Variants in SIK2 observed in about 807,000 individuals in gnomAD.
SIK2 encodes salt inducible kinase 2.
In SIK2, 29 loss-of-function variants were observed where a neutral mutation model predicts 103.2. That is an observed-to-expected ratio of 0.28 (90% CI 0.21 to 0.38). SIK2 has a LOEUF of 0.38. Ranked by LOEUF, SIK2 falls within the 10% of genes least tolerant of loss-of-function variation. SIK2 has a pLI of 1.00. For missense variants in SIK2, 879 were observed against 1,171.0 expected (o/e 0.75, Z 3.64); for synonymous variants, 412 against 446.1 (o/e 0.92, Z 0.96).
intron 14 of SIK2, 143 bp from the exon 15 acceptor site, chr11:111,723,353 T>G (rs564601): frequency 3.6e-6 from 3 of 833,086 alleles, no homozygotes; most frequent in Non-Finnish European, 5.5e-6. Context: ...CCCAACACAA[T>G]TGGTTCCCAT....
At chr11:111,721,693 C>T in intron 12 of SIK2, 137 bp from the exon 13 acceptor site, 3 of 586,244 alleles carry the variant, frequency 5.1e-6, no homozygotes, top group Non-Finnish European at 5.9e-6. Flanking sequence ...CCTACTGGCT[C>T]TGTAAAAGCT....
chr11:111,712,282 C>G lies in SIK2; in HGVS notation c.1173C>G (p.Pro391=), dbSNP rs55848984. 8.7e-6 allele frequency: 14 copies of G among 1,614,124 alleles called. No homozygotes were observed. Among genetic ancestry groups the G allele is most frequent in the South Asian group, 2.2e-5 (2 of 91,088 alleles). ...GGCTGCTGCGATCTGCCCTCCTCCCCCAGGCATCCAACGTGGAGGCCTTTT... is the reference window on the plus strand; with the variant it reads ...GGCTGCTGCGATCTGCCCTCCTCCCGCAGGCATCCAACGTGGAGGCCTTTT... ...NMRLLRSALL[P]QASNVEAFSF... is the part of the protein sequence containing the mutation. Residue 391 remains proline (P), a synonymous_variant, in exon 9 of 15, where the codon CCC becomes CCG. Coordinates refer to ENST00000304987, the MANE Select transcript of SIK2 (RefSeq NM_015191.3).
At chr11:111,617,636 C>A (rs978153027) in intron 2 of SIK2, among the ~76,000 whole-genome samples, 4 of 152,132 alleles carry the variant, frequency 2.6e-5, no homozygotes, top group Non-Finnish European at 4.4e-5. Flanking sequence ...GGTTTACTGG[C>A]ACACCAGTAT....
rs1019080653 is a variant in SIK2, at chr11:111,648,268, A to G, written c.316+27866A>G. ...AATGCCTTAGTTCTCTTGAGCTGCT[A>G]TAACAAAATACCTTAAACTGGGTAA... On this transcript the variant is annotated intron_variant, in intron 3 of 14. Transcript: ENST00000304987. Among the ~76,000 whole-genome samples, 9 of 143,290 alleles carry G rather than the reference A, an allele frequency of 6.3e-5. No homozygotes were observed. The East Asian group carries it at 9.7e-4, about 15-fold the overall frequency. The allele number at this position is 143,290 out of a possible 152,430, so 94.0% of individuals were successfully genotyped here.
At chr11:111,606,467 C>CT (rs1941649273) in intron 1 of SIK2, among the ~76,000 whole-genome samples, 1 of 151,756 alleles carries the variant, frequency 6.6e-6, no homozygotes, top group African/African-American at 2.4e-5. Flanking sequence ...AAATTATGTT[C>CT]TTTTTTCTAC....
intron 3 of SIK2, among the ~76,000 whole-genome samples, chr11:111,646,980 G>A (rs1591599989): frequency 6.6e-6 from 1 of 152,102 alleles, no homozygotes; most frequent in East Asian, 1.9e-4. Flanking sequence ...TTGAATACTT[G>A]GGAATAAAAT....
chr11:111,635,681 CAAGCAT>C, intron 3 of SIK2, among the ~76,000 whole-genome samples: 1 of 152,212 alleles, frequency 6.6e-6, no homozygotes, highest in East Asian at 1.9e-4. Context: ...TTTGGAAATA[CAAGCAT>C]AAGAAGCCTT....
intron 3 of SIK2, among the ~76,000 whole-genome samples, chr11:111,626,374 CTT>C (rs1217039936): frequency 8.4e-5 from 12 of 142,920 alleles, no homozygotes; most frequent in African/African-American, 7.6e-5. Flanking sequence ...AACTCATGAT[CTT>C]TTTTTTTTTT....
At chr11:111,674,278 CTT>C (rs768331015) in intron 3 of SIK2, among the ~76,000 whole-genome samples, 5 of 152,092 alleles carry the variant, frequency 3.3e-5, no homozygotes, top group Non-Finnish European at 5.9e-5. Flanking sequence ...CCCTCTGTCT[CTT>C]TTATCTCCCT....
chr11:111,697,984 C>G (rs993806452), intron 4 of SIK2, among the ~76,000 whole-genome samples: 5 of 152,142 alleles, frequency 3.3e-5, no homozygotes, highest in African/African-American at 9.7e-5. Flanking sequence ...GCCCTCCAGC[C>G]TGGGCAACAG....
chr11:111,619,327 C>T (rs1452449581), intron 2 of SIK2, among the ~76,000 whole-genome samples: 2 of 152,096 alleles, frequency 1.3e-5, no homozygotes, highest in Non-Finnish European at 2.9e-5. Context: ...TACAGATAAA[C>T]ACTCTAAAAA....
Position 111,727,344 on chromosome 11 carries a change from A to G in SIK2, c.*3215A>G. 1 of 463,892 alleles carries G rather than the reference A, an allele frequency of 2.2e-6. No individual in the cohort carries two copies. Among genetic ancestry groups the G allele is most frequent in the Admixed American group, 3.4e-5 (1 of 29,348 alleles). 28.7% of individuals were successfully genotyped at this position (463,892 alleles called of 1,614,324 possible). On this transcript the variant is annotated 3_prime_UTR_variant, in exon 15 of 15. Coordinates refer to ENST00000304987, the MANE Select transcript of SIK2 (RefSeq NM_015191.3). ...TCCACTTTTGCCTCCTAGGAAAGAAAAAGTCAGTGGCCCTTTCTTCCTCAG... is the reference window on the plus strand; with the variant it reads ...TCCACTTTTGCCTCCTAGGAAAGAAGAAGTCAGTGGCCCTTTCTTCCTCAG...
chr11:111,701,737 G>A lies in SIK2; in HGVS notation c.727+162G>A, dbSNP rs1943217207. 1.3e-5 allele frequency among the ~76,000 whole-genome samples: 2 copies of A among 152,252 alleles called. No individual in the cohort carries two copies. The highest frequency in any genetic ancestry group is 2.1e-4 in the South Asian group (1 of 4,822). On this transcript the variant is annotated intron_variant, in intron 6 of 14. Coordinates refer to ENST00000304987, the MANE Select transcript of SIK2 (RefSeq NM_015191.3). The surrounding 1 kb of genome is among the most constrained non-coding windows in gnomAD (Gnocchi z 4.2). ...AAGAAGCAACCTCCTTTATGTAGGC[G>A]AGACAGGTTCCAGCCTTCTACTTGT...
chr11:111,715,223 T>C (rs1943605651), intron 9 of SIK2, among the ~76,000 whole-genome samples: 1 of 152,238 alleles, frequency 6.6e-6, no homozygotes, highest in African/African-American at 2.4e-5. Context: ...CCGGGCTTCT[T>C]TGTGGACCGT....
chr11:111,664,676 A>AT (rs1366309989), intron 3 of SIK2, among the ~76,000 whole-genome samples: 1 of 148,398 alleles, frequency 6.7e-6, no homozygotes, highest in Non-Finnish European at 1.5e-5. Flanking sequence ...GAAACATTCT[A>AT]TTCCCCCCAT....
chr11:111,704,111 C>T (rs772382311), intron 7 of SIK2, among the ~76,000 whole-genome samples: 4 of 152,230 alleles, frequency 2.6e-5, no homozygotes, highest in Non-Finnish European at 5.9e-5. Context: ...CCGGGCTGTG[C>T]TGCCTTTCCC....
chr11:111,721,790 A>G (rs1481707651), intron 12 of SIK2, 40 bp from the exon 13 acceptor site: 2 of 1,524,568 alleles, frequency 1.3e-6, no homozygotes, highest in South Asian at 2.4e-5. Context: ...GTTTTTCCCC[A>G]TGGGGAATTG....
In SIK2 at chr11:111,724,223, C is replaced by T; in HGVS notation, c.*94C>T. The T allele has an allele frequency of 6.7e-7, 1 of 1,484,662 alleles. No homozygotes were observed. Among genetic ancestry groups the T allele is most frequent in the Non-Finnish European group, 8.9e-7 (1 of 1,117,820 alleles). 92.0% of individuals were successfully genotyped at this position (1,484,662 alleles called of 1,614,324 possible). On this transcript the variant is annotated 3_prime_UTR_variant, in exon 15 of 15. Coordinates refer to ENST00000304987, the MANE Select transcript of SIK2 (RefSeq NM_015191.3). The stretch of plus-strand genomic sequence containing the variant: ...TTAAATTTAAAGCTTATTTTCTTGC[C>T]CTCTCCCTAACGGGGAGAAATCGAG...
At chr11:111,715,134 G>A (rs1380839670) in intron 9 of SIK2, among the ~76,000 whole-genome samples, 2 of 152,228 alleles carry the variant, frequency 1.3e-5, no homozygotes, top group African/African-American at 4.8e-5. Context: ...TGCATTTGTA[G>A]GAAGAGCAGT....
Sources: allele counts gnomAD v4.1 joint callset (sites outside exome capture counted in the v4.1 genomes callset), GRCh38; gene constraint gnomAD v4.1.1; non-coding constraint Gnocchi (gnomAD v3.1); transcripts MANE v1.5; gene names NCBI Gene and HGNC (gene_info 2026-07-23, HGNC 2026-07-21).